The following CSMD3 variants were observed in gnomAD, a reference collection of about 807,000 sequenced individuals.
The protein encoded by CSMD3 is CUB and sushi domain-containing protein 3.
Under a neutral mutation model 435.2 loss-of-function variants are expected in CSMD3, and 177 were observed. The ratio of observed to expected loss-of-function variants is 0.41; its 90% CI spans 0.36 to 0.46. The LOEUF is 0.46. CSMD3 is among the 20% of genes least tolerant of loss of function. The pLI is 0.34. For synonymous variants in CSMD3, 1,656 were observed against 1,520.5 expected, an observed-to-expected ratio of 1.09 and a Z score of -2.07; for missense variants, 4,265 against 4,504.6, an observed-to-expected ratio of 0.95 and a Z score of 1.52.
intron 13 of CSMD3, among the ~76,000 whole-genome samples, chr8:112,724,163 G>C (rs2076918273): frequency 1.3e-5 from 2 of 151,864 alleles, no homozygotes; most frequent in Admixed American, 6.6e-5. Context: ...GAGTAAGTAG[G>C]CAGCCTTGGA....
At chr8:112,545,131 A>G (rs1193484680) in intron 27 of CSMD3, among the ~76,000 whole-genome samples, 1 of 152,100 alleles carries the variant, frequency 6.6e-6, no homozygotes, top group Non-Finnish European at 1.5e-5. Flanking sequence ...TTCAAACCAC[A>G]ATACATGCTG....
At chr8:113,258,890 G>A (rs1056104626) in intron 3 of CSMD3, among the ~76,000 whole-genome samples, 8 of 152,106 alleles carry the variant, frequency 5.3e-5, no homozygotes, top group Middle Eastern at 3.2e-3. Context: ...ACCATAAGAA[G>A]TGGTAAGATT....
At chr8:113,085,331 G>A (rs1305903806) in intron 5 of CSMD3, among the ~76,000 whole-genome samples, 5 of 151,910 alleles carry the variant, frequency 3.3e-5, no homozygotes, top group African/African-American at 9.6e-5. Flanking sequence ...AATTTTGGTG[G>A]GAATGTAAAT....
At chr8:113,044,789 G>A (rs566988313) in intron 5 of CSMD3, among the ~76,000 whole-genome samples, 1 of 148,620 alleles carries the variant, frequency 6.7e-6, no homozygotes, top group East Asian at 1.9e-4. Flanking sequence ...AATATCCTTT[G>A]CATTTTATTG....
chr8:112,328,431 A>G (rs931647722), intron 45 of CSMD3, among the ~76,000 whole-genome samples: 3 of 152,180 alleles, frequency 2.0e-5, no homozygotes, highest in African/African-American at 7.2e-5. Flanking sequence ...CAGGGTTTAA[A>G]TTACTTTACA....
rs779621725 is a variant in CSMD3, at chr8:112,492,533, T to C, written c.5234A>G (p.Asp1745Gly). The change falls in exon 31 of 71, where the codon GAT becomes GGT. Residue 1745 changes from aspartate (D) to glycine (G), a missense_variant. By Grantham distance (94) the Asp-to-Gly change is moderately conservative. This residue lies in a region of CSMD3 where 3,255 missense variants were observed against 3,380.2 expected (regional missense o/e 0.96). Coordinates refer to ENST00000297405, the MANE Select transcript of CSMD3 (RefSeq NM_198123.2). ...GYSTLTCIMG[D>G]DGRPGWNRAL... ...TCTATTCCATCCAGGTCTTCCATCA[T>C]CTCCCATGATACAGGTGAGTGTTGA... The C allele has an allele frequency of 6.2e-7, 1 of 1,613,958 alleles. No individual in the cohort carries two copies. The highest frequency in any genetic ancestry group is 8.5e-7 in the Non-Finnish European group (1 of 1,179,894).
At chr8:113,132,531 T>C (rs1252550265) in intron 4 of CSMD3, among the ~76,000 whole-genome samples, 1 of 152,166 alleles carries the variant, frequency 6.6e-6, no homozygotes, top group Non-Finnish European at 1.5e-5. Context: ...AAGATGTACC[T>C]GCTTCCTCTT....
rs1481946730 is a variant in CSMD3, at chr8:112,753,087, A to G, written c.1972+47075T>C. On this transcript the variant is annotated intron_variant, in intron 13 of 70. Transcript: ENST00000297405. ...ACTGCAGGCACATGCCACCACATCC[A>G]GCTATTTTTTTATCTACTATGTATA... Among the ~76,000 whole-genome samples, 5 of 152,034 alleles carry G rather than the reference A, an allele frequency of 3.3e-5. No homozygotes were observed. The South Asian group carries it at 8.3e-4, about 25-fold the overall frequency.
intron 13 of CSMD3, among the ~76,000 whole-genome samples, chr8:112,722,306 G>A (rs62516521): frequency 6.6e-6 from 1 of 151,974 alleles, no homozygotes; most frequent in East Asian, 1.9e-4. Flanking sequence ...AAAAAAAAAG[G>A]CTATACCAGA....
intron 3 of CSMD3, among the ~76,000 whole-genome samples, chr8:113,233,717 T>A (rs117363533): frequency 0.03 from 4,487 of 151,862 alleles, 86 homozygotes; most frequent in Admixed American, 0.04. Context: ...AAGGAAAAGA[T>A]AAAAAAATGC....
At chr8:112,666,226 T>C in intron 17 of CSMD3, 51 bp downstream of exon 17, 1 of 1,364,606 alleles carries the variant, frequency 7.3e-7, no homozygotes, top group Non-Finnish European at 1.0e-6. Flanking sequence ...GAATGTCAAC[T>C]AATCTTTTAG....
At position 112,536,751 on chromosome 8, in the gene CSMD3, A is replaced by G. The variant is rs188416534; in HGVS notation, c.4564+13920T>C. ...TTATTGCGGCACTATTCACAATAGC[A>G]AAGACTTGGAACCAACCCAAATGTC... On this transcript the variant is annotated intron_variant, in intron 27 of 70. Transcript: ENST00000297405. Among the ~76,000 whole-genome samples the G allele has an allele frequency of 2.4e-4, 36 of 150,646 alleles. No individual in the cohort carries two copies. In the East Asian group the frequency reaches 6.0e-3, roughly 25 times the overall value.
chr8:112,667,212 G>A (rs2075547045), intron 16 of CSMD3, among the ~76,000 whole-genome samples: 1 of 152,026 alleles, frequency 6.6e-6, no homozygotes, highest in Non-Finnish European at 1.5e-5. Context: ...TAGGTTGAAA[G>A]GTCTTAAAAT....
intron 12 of CSMD3, among the ~76,000 whole-genome samples, chr8:112,817,409 ATACG>A (rs2079404810): frequency 2.7e-5 from 4 of 150,154 alleles, no homozygotes; most frequent in Non-Finnish European, 5.9e-5. Flanking sequence ...AGATGAATTT[ATACG>A]TAAGTGTAAA....
chr8:112,346,264 T>C, intron 40 of CSMD3, 51 bp from the exon 41 acceptor site: 1 of 1,083,504 alleles, frequency 9.2e-7, no homozygotes, highest in Non-Finnish European at 1.4e-6. Context: ...AATAATTTAC[T>C]GTATTAAAAA....
chr8:113,153,155 G>A (rs1033681853), intron 4 of CSMD3, among the ~76,000 whole-genome samples: 2 of 135,740 alleles, frequency 1.5e-5, no homozygotes, highest in Admixed American at 7.3e-5. Context: ...AGGAAGGAAG[G>A]AAGGAAGGAA....
At chr8:112,862,709 T>C (rs1253969619) in intron 10 of CSMD3, among the ~76,000 whole-genome samples, 1 of 152,058 alleles carries the variant, frequency 6.6e-6, no homozygotes, top group Non-Finnish European at 1.5e-5. Context: ...TCTCTTCAAT[T>C]CCATTGTATT....
At chr8:113,104,131 T>G (rs2090409115) in intron 4 of CSMD3, among the ~76,000 whole-genome samples, 1 of 152,146 alleles carries the variant, frequency 6.6e-6, no homozygotes, top group African/African-American at 2.4e-5. Flanking sequence ...TAGTTTCTGC[T>G]GAAATAGCTT....
chr8:113,332,484 T>A (rs2094035704), intron 1 of CSMD3, among the ~76,000 whole-genome samples: 1 of 137,228 alleles, frequency 7.3e-6, no homozygotes, highest in African/African-American at 2.5e-5. Context: ...TTTTATATTT[T>A]AGCAATGCAC....
Sources: gnomAD v4.1 joint callset for allele counts (sites outside exome capture counted in the v4.1 genomes callset) on GRCh38, gnomAD v4.1.1 for gene constraint, gnomAD v4.1.1 regional missense constraint, MANE v1.5 for transcripts, NCBI Gene and HGNC (gene_info 2026-07-23, HGNC 2026-07-21) for gene names.